Variants in GALNT13 observed in about 807,000 individuals in gnomAD.
GALNT13 encodes the protein polypeptide N-acetylgalactosaminyltransferase 13, also known as UDP-GalNAc:polypeptide N-acetylgalactosaminyltransferase 13.
Under a neutral mutation model 64.2 loss-of-function variants are expected in GALNT13, and 28 were observed. That is an observed-to-expected ratio of 0.44 (90% CI 0.32 to 0.60). The LOEUF (loss-of-function observed/expected upper bound fraction) is 0.60. Ranked by LOEUF, GALNT13 falls within the 20% of genes least tolerant of loss-of-function variation. GALNT13 has a pLI of 0.05. For missense variants in GALNT13, 577 were observed against 669.8 expected, an observed-to-expected ratio of 0.86 and a Z score of 1.53; for synonymous variants, 214 against 224.6, an observed-to-expected ratio of 0.95 and a Z score of 0.42.
chr2:153,807,781 G>A, the GALNT13 span, among the ~76,000 whole-genome samples: 4 of 152,086 alleles, frequency 2.6e-5, no homozygotes, highest in Admixed American at 2.0e-4. Flanking sequence ...TGGGATTATT[G>A]TCTTGTATTT....
intron 3 of GALNT13, among the ~76,000 whole-genome samples, chr2:154,023,060 A>AGAGT (rs1350945073): frequency 6.6e-6 from 1 of 151,380 alleles, no homozygotes; most frequent in African/African-American, 2.4e-5. Flanking sequence ...GGTCTGAGAG[A>AGAGT]CTGTTATAAT....
At chr2:153,084,735 C>G in the GALNT13 span, among the ~76,000 whole-genome samples, 1 of 152,194 alleles carries the variant, frequency 6.6e-6, no homozygotes, top group African/African-American at 2.4e-5. Flanking sequence ...CCTCCCCAGC[C>G]ATGCTGAGCT....
At chr2:154,229,946 T>C (rs1559037983) in intron 4 of GALNT13, among the ~76,000 whole-genome samples, 2 of 152,100 alleles carry the variant, frequency 1.3e-5, no homozygotes, top group African/African-American at 4.8e-5. Flanking sequence ...TGCGTTTTTG[T>C]CTGCCATGAG....
intron 7 of GALNT13, 47 bp downstream of exon 7, chr2:154,246,029 T>C: frequency 2.3e-6 from 3 of 1,289,474 alleles, no homozygotes; most frequent in Non-Finnish European, 3.3e-6. Context: ...CCCCTAAAAA[T>C]TAAGGAATAT....
the GALNT13 span, among the ~76,000 whole-genome samples, chr2:153,569,682 G>T: frequency 6.6e-6 from 1 of 152,024 alleles, no homozygotes; most frequent in East Asian, 1.9e-4. Context: ...CATCCTTTGA[G>T]TTACAAACAA....
the GALNT13 span, among the ~76,000 whole-genome samples, chr2:153,225,384 G>A: frequency 2.6e-5 from 4 of 152,068 alleles, no homozygotes; most frequent in East Asian, 1.9e-4. Context: ...AGATAATATC[G>A]CATTTAATGT....
chr2:153,538,336 T>C, the GALNT13 span, among the ~76,000 whole-genome samples: 2 of 144,284 alleles, frequency 1.4e-5, no homozygotes, highest in Non-Finnish European at 3.0e-5. Context: ...CTTTTTTTTT[T>C]TTTTTTTACT....
chr2:153,492,827 A>T, the GALNT13 span, among the ~76,000 whole-genome samples: 1 of 152,204 alleles, frequency 6.6e-6, no homozygotes, highest in African/African-American at 2.4e-5. Context: ...TTCCAAAAGT[A>T]TTGAAATAGA....
At chr2:153,558,553 G>C in the GALNT13 span, among the ~76,000 whole-genome samples, 1 of 151,594 alleles carries the variant, frequency 6.6e-6, no homozygotes, top group East Asian at 1.9e-4. Context: ...GAGCTTTGCT[G>C]TCTTCTCCTT....
chr2:153,671,029 C>G, the GALNT13 span, among the ~76,000 whole-genome samples: 1 of 152,204 alleles, frequency 6.6e-6, no homozygotes, highest in South Asian at 2.1e-4. Context: ...TGAACAAAGC[C>G]TCCAAGAAAT....
chr2:154,121,713 A>T (rs1681952836), intron 3 of GALNT13, among the ~76,000 whole-genome samples: 1 of 151,306 alleles, frequency 6.6e-6, no homozygotes. Flanking sequence ...ACTATTTGCT[A>T]TAGTCATTTA....
intron 4 of GALNT13, among the ~76,000 whole-genome samples, chr2:154,155,958 T>G (rs950392547): frequency 1.4e-4 from 22 of 152,008 alleles, no homozygotes; most frequent in Admixed American, 1.4e-3. Flanking sequence ...ATTTATGTAT[T>G]GCATAATACA....
the GALNT13 span, among the ~76,000 whole-genome samples, chr2:153,345,671 CTTTCTTTCTT>C: frequency 2.1e-5 from 3 of 140,140 alleles, no homozygotes; most frequent in African/African-American, 8.1e-5. Context: ...TTCTTTCTTT[CTTTCTTTCTT>C]TCTTTCTTTC....
chr2:153,439,754 T>G, the GALNT13 span, among the ~76,000 whole-genome samples: 1 of 152,148 alleles, frequency 6.6e-6, no homozygotes, highest in Non-Finnish European at 1.5e-5. Flanking sequence ...ATTCCCTGAC[T>G]TGTTGCGCTT....
At chr2:154,026,213 G>C (rs997745405) in intron 3 of GALNT13, among the ~76,000 whole-genome samples, 1 of 152,302 alleles carries the variant, frequency 6.6e-6, no homozygotes, top group Non-Finnish European at 1.5e-5. Flanking sequence ...TACTAGAGGA[G>C]AGAGATTAAC....
the GALNT13 span, among the ~76,000 whole-genome samples, chr2:153,422,673 A>G: frequency 7.9e-5 from 12 of 152,190 alleles, no homozygotes; most frequent in Non-Finnish European, 1.5e-4. Flanking sequence ...AATGAAAACT[A>G]GACCACACAA....
At chr2:154,130,329 C>A (rs929431285) in intron 3 of GALNT13, among the ~76,000 whole-genome samples, 3 of 152,138 alleles carry the variant, frequency 2.0e-5, no homozygotes, top group Non-Finnish European at 2.9e-5. Flanking sequence ...TAGAGGTCAG[C>A]AACCCGAAGC....
At chr2:153,442,211 G>T in the GALNT13 span, among the ~76,000 whole-genome samples, 2 of 152,066 alleles carry the variant, frequency 1.3e-5, no homozygotes, top group Admixed American at 6.6e-5. Context: ...TAATCATGTG[G>T]TTTTTGTCAT....
intron 3 of GALNT13, among the ~76,000 whole-genome samples, chr2:153,944,960 A>G (rs1366360466): frequency 6.6e-6 from 1 of 152,206 alleles, no homozygotes; most frequent in Non-Finnish European, 1.5e-5. Context: ...GGCTGCTAGA[A>G]GCCAAAAGCC....
Sources: allele counts gnomAD v4.1 joint callset (sites outside exome capture counted in the v4.1 genomes callset), GRCh38; gene constraint gnomAD v4.1.1; transcripts MANE v1.5; gene names NCBI Gene and HGNC (gene_info 2026-07-23, HGNC 2026-07-21).